The following SLC4A4 variants were observed in gnomAD, a reference collection of about 807,000 sequenced individuals.
The protein encoded by SLC4A4 is electrogenic sodium bicarbonate cotransporter 1.
In SLC4A4, 27 loss-of-function variants were observed where a neutral mutation model predicts 111.5. The ratio of observed to expected loss-of-function variants is 0.24; its 90% CI spans 0.18 to 0.33. The LOEUF (loss-of-function observed/expected upper bound fraction) is 0.33, where lower values mean the gene tolerates loss of function less well. Among genes scored for constraint, SLC4A4 ranks in the 10% least tolerant of loss-of-function variants. SLC4A4 has a pLI of 1.00. For synonymous variants in SLC4A4, 443 were observed against 463.4 expected (o/e 0.96, Z 0.57); for missense variants, 909 against 1,315.5 (o/e 0.69, Z 4.78).
At chr4:71,346,320 G>A (rs995464007) in intron 4 of SLC4A4, among the ~76,000 whole-genome samples, 4 of 152,124 alleles carry the variant, frequency 2.6e-5, no homozygotes, top group South Asian at 2.1e-4. Flanking sequence ...TATTTAAAAA[G>A]CCTGCTTCTG....
intron 12 of SLC4A4, among the ~76,000 whole-genome samples, chr4:71,462,266 A>G (rs569024065): frequency 1.7e-4 from 26 of 152,278 alleles, no homozygotes; most frequent in South Asian, 8.3e-4. Flanking sequence ...TATTGATTTT[A>G]CAGAAGAGAA....
At chr4:71,422,789 C>G (rs999973275) in intron 7 of SLC4A4, among the ~76,000 whole-genome samples, 14 of 152,050 alleles carry the variant, frequency 9.2e-5, no homozygotes, top group African/African-American at 2.4e-4. Flanking sequence ...ATTCAACAAC[C>G]CTTCATGCTG....
At chr4:71,266,681 A>G (rs968896691) in intron 3 of SLC4A4, among the ~76,000 whole-genome samples, 6 of 152,116 alleles carry the variant, frequency 3.9e-5, no homozygotes, top group Admixed American at 6.5e-5. Flanking sequence ...ATCTATTTGT[A>G]TGAACTGTAA....
At chr4:71,217,799 A>G (rs776797216) in intron 1 of SLC4A4, among the ~76,000 whole-genome samples, 10 of 152,182 alleles carry the variant, frequency 6.6e-5, no homozygotes, top group Non-Finnish European at 1.0e-4. Flanking sequence ...GTTGGTTTTT[A>G]TAGAACTGGA....
intron 24 of SLC4A4, among the ~76,000 whole-genome samples, chr4:71,566,730 A>G (rs1354885774): frequency 6.6e-6 from 1 of 151,826 alleles, no homozygotes; most frequent in South Asian, 2.1e-4. Flanking sequence ...AGGCATTAAG[A>G]GAATGCTATC....
At chr4:71,145,158 G>A (rs548070917) in intron 2 of SLC4A4, among the ~76,000 whole-genome samples, 13 of 152,278 alleles carry the variant, frequency 8.5e-5, no homozygotes, top group Non-Finnish European at 1.0e-4. Context: ...TTAGCATGAA[G>A]GGGTGTTGAA....
At chr4:71,173,931 A>G (rs1177686303) in intron 2 of SLC4A4, among the ~76,000 whole-genome samples, 2 of 152,158 alleles carry the variant, frequency 1.3e-5, no homozygotes, top group African/African-American at 4.8e-5. Flanking sequence ...TAAATGAGTT[A>G]ATTTACTAGA....
intron 3 of SLC4A4, among the ~76,000 whole-genome samples, chr4:71,292,173 G>A (rs989224746): frequency 2.0e-5 from 3 of 152,102 alleles, no homozygotes; most frequent in Non-Finnish European, 4.4e-5. Flanking sequence ...TCTATAATAC[G>A]GTCTAACTTA....
intron 7 of SLC4A4, among the ~76,000 whole-genome samples, chr4:71,411,635 TA>T (rs917497271): frequency 2.6e-5 from 4 of 151,376 alleles, no homozygotes; most frequent in Middle Eastern, 3.4e-3. Context: ...AAAAAGCAGT[TA>T]AAAAAAAAGA....
rs1441045688 is a variant in SLC4A4 at position 71,121,090 on chromosome 4, T to A, written c.-2+28298T>A. Among the ~76,000 whole-genome samples, 6 of 152,012 alleles carry A rather than the reference T, an allele frequency of 3.9e-5. No individual in the cohort carries two copies. The East Asian group carries it at 1.2e-3, about 30-fold the overall frequency. On this transcript the variant is annotated intron_variant, in intron 2 of 26. Coordinates refer to the SLC4A4 transcript ENST00000649996. ...CACCCAGGCTAGCAGCTGCGGAGGG[T>A]GTGCAGGGTCCCCCAGTAGGGCTGG...
At chr4:71,363,000 A>C (rs1382938646) in intron 6 of SLC4A4, among the ~76,000 whole-genome samples, 1 of 152,066 alleles carries the variant, frequency 6.6e-6, no homozygotes, top group Non-Finnish European at 1.5e-5. Flanking sequence ...AATGTAATCC[A>C]CTTGCTCCCA....
At chr4:71,142,605 G>A (rs199885457) in intron 2 of SLC4A4, among the ~76,000 whole-genome samples, 3 of 152,070 alleles carry the variant, frequency 2.0e-5, no homozygotes, top group East Asian at 1.9e-4. Context: ...TGACATAGCC[G>A]AGGCTACCTC....
At chr4:71,071,867 T>G (rs1045465142) in intron 1 of SLC4A4, among the ~76,000 whole-genome samples, 1 of 152,220 alleles carries the variant, frequency 6.6e-6, no homozygotes, top group African/African-American at 2.4e-5. Flanking sequence ...GTGCATATCT[T>G]TTTCATATGT....
chr4:71,191,327 A>G (rs563000447), intron 1 of SLC4A4, among the ~76,000 whole-genome samples: 1 of 152,372 alleles, frequency 6.6e-6, no homozygotes, highest in East Asian at 1.9e-4. Flanking sequence ...TGTGTAAACC[A>G]AAACATCATC....
At chr4:71,426,461 G>C (rs547468295) in intron 7 of SLC4A4, among the ~76,000 whole-genome samples, 93 of 152,124 alleles carry the variant, frequency 6.1e-4, no homozygotes, top group Middle Eastern at 3.2e-3. Flanking sequence ...CTGCTCAAAG[G>C]TGTGGGGAGG....
intron 3 of SLC4A4, among the ~76,000 whole-genome samples, chr4:71,311,846 G>A (rs151257675): frequency 2.2e-5 from 3 of 138,200 alleles, no homozygotes; most frequent in African/African-American, 7.9e-5. Flanking sequence ...GAGCAGAACT[G>A]CCCTCACTCA....
chr4:71,376,664 CACTT>C (rs1484956852), intron 6 of SLC4A4, among the ~76,000 whole-genome samples: 2 of 149,944 alleles, frequency 1.3e-5, no homozygotes, highest in Non-Finnish European at 3.0e-5. Flanking sequence ...GTTGGAGTCT[CACTT>C]ACTCTGTCAC....
At chr4:71,461,168 G>A (rs1345987126) in intron 12 of SLC4A4, among the ~76,000 whole-genome samples, 3 of 152,018 alleles carry the variant, frequency 2.0e-5, no homozygotes, top group Non-Finnish European at 4.4e-5. Flanking sequence ...AAAGACTGGT[G>A]TTTCTTTTTG....
At chr4:71,353,422 G>A (rs561567830) in intron 5 of SLC4A4, among the ~76,000 whole-genome samples, 1 of 152,310 alleles carries the variant, frequency 6.6e-6, no homozygotes, top group Admixed American at 6.5e-5. Context: ...AAAAGGGCCA[G>A]ATTTCCAGAA....
Sources: gnomAD v4.1 joint callset for allele counts (sites outside exome capture counted in the v4.1 genomes callset) on GRCh38, gnomAD v4.1.1 for gene constraint, MANE v1.5 for transcripts, NCBI Gene and HGNC (gene_info 2026-07-23, HGNC 2026-07-21) for gene names.